The following CADPS variants were observed in gnomAD, a reference collection of about 807,000 sequenced individuals.
CADPS encodes calcium dependent secretion activator, also known as calcium-dependent secretion activator 1.
Under a neutral mutation model 167.3 loss-of-function variants are expected in CADPS, and 57 were observed. The observed-to-expected ratio is 0.34, with a 90% CI of 0.28 to 0.42. The LOEUF (loss-of-function observed/expected upper bound fraction) is 0.42. CADPS is among the 20% of genes least tolerant of loss of function. The pLI is 1.00. For missense variants in CADPS, 1,414 were observed against 1,738.1 expected, an observed-to-expected ratio of 0.81 and a Z score of 3.32; for synonymous variants, 676 against 635.3, an observed-to-expected ratio of 1.06 and a Z score of -0.96.
intron 9 of CADPS, among the ~76,000 whole-genome samples, chr3:62,570,274 T>C (rs2081050895): frequency 6.6e-6 from 1 of 150,820 alleles, no homozygotes; most frequent in South Asian, 2.1e-4. Flanking sequence ...GAAAAATTTA[T>C]CCTAGATATT....
chr3:62,745,862 C>A (rs191520505), intron 3 of CADPS, among the ~76,000 whole-genome samples: 3 of 152,094 alleles, frequency 2.0e-5, no homozygotes, highest in African/African-American at 7.2e-5. Flanking sequence ...TAGTGGTGAA[C>A]GCAATAGACA....
chr3:62,806,493 G>T (rs764767625), intron 1 of CADPS, among the ~76,000 whole-genome samples: 39 of 152,190 alleles, frequency 2.6e-4, no homozygotes, highest in Non-Finnish European at 3.7e-4. Context: ...GATCTCCACT[G>T]CACTCCAGTC....
chr3:62,419,551 T>C (rs986258791), intron 28 of CADPS, among the ~76,000 whole-genome samples: 2 of 152,172 alleles, frequency 1.3e-5, no homozygotes, highest in African/African-American at 4.8e-5. Context: ...CCCATTATCC[T>C]TGTGAGCAGT....
intron 3 of CADPS, among the ~76,000 whole-genome samples, chr3:62,668,895 G>A (rs1407794403): frequency 1.3e-5 from 2 of 152,094 alleles, no homozygotes; most frequent in Admixed American, 6.5e-5. Flanking sequence ...ACCCACAGTC[G>A]CACAACGATC....
At chr3:62,568,939 A>G (rs1241825400) in intron 9 of CADPS, among the ~76,000 whole-genome samples, 1 of 152,212 alleles carries the variant, frequency 6.6e-6, no homozygotes, top group African/African-American at 2.4e-5. Context: ...GAACTCTAAC[A>G]GATTCCTTTC....
chr3:62,757,814 G>C (rs2084361312), intron 2 of CADPS, among the ~76,000 whole-genome samples: 1 of 152,194 alleles, frequency 6.6e-6, no homozygotes, highest in Non-Finnish European at 1.5e-5. Context: ...AATCATGGTG[G>C]AAGTCAAGGG....
intron 13 of CADPS, among the ~76,000 whole-genome samples, chr3:62,519,170 T>A (rs550522563): frequency 6.6e-6 from 1 of 152,220 alleles, no homozygotes; most frequent in East Asian, 1.9e-4. Flanking sequence ...CCAGATCTCA[T>A]AGTGACTTGT....
chr3:62,585,242 T>C lies in CADPS; in HGVS notation c.1520A>G (p.Asp507Gly). The C allele has an allele frequency of 6.2e-7, 1 of 1,614,026 alleles. No individual in the cohort carries two copies. Among genetic ancestry groups the C allele is most frequent in the Non-Finnish European group, 8.5e-7 (1 of 1,179,928 alleles). ...TCGGACAGCAAGTTTGATTTTGAGATCTTGGTCGGGGCAGTTTTTGGAGAC... is the reference window on the plus strand; with the variant it reads ...TCGGACAGCAAGTTTGATTTTGAGACCTTGGTCGGGGCAGTTTTTGGAGAC... ...MTVSKNCPDQ[D>G]LKIKLAVRMD... The change falls in exon 8 of 30, where the codon GAT becomes GGT. Residue 507 changes from aspartate (D) to glycine (G), a missense_variant. Physicochemically the swap from Asp to Gly is moderately conservative, Grantham distance 94 (BLOSUM62 -1). Around this residue, in one of 6 missense-constraint regions of CADPS, gnomAD observed 157 missense variants for 229.4 expected, o/e 0.68. Transcript: ENST00000383710.
At chr3:62,783,216 TTCTC>T (rs1482090580) in intron 1 of CADPS, among the ~76,000 whole-genome samples, 1 of 152,136 alleles carries the variant, frequency 6.6e-6, no homozygotes, top group Non-Finnish European at 1.5e-5. Context: ...GTGATGTGTG[TTCTC>T]TCTGTTTCCT....
At chr3:62,636,071 G>A (rs1337998859) in intron 6 of CADPS, among the ~76,000 whole-genome samples, 1 of 151,934 alleles carries the variant, frequency 6.6e-6, no homozygotes, top group South Asian at 2.1e-4. Flanking sequence ...TTTACCCTGG[G>A]TCCACTGACA....
rs1428645875 is a variant in CADPS at position 62,602,171 on chromosome 3, A to G, written c.1326-9423T>C. On this transcript the variant is annotated intron_variant, in intron 6 of 29. Coordinates refer to ENST00000383710, the MANE Select transcript of CADPS (RefSeq NM_003716.4). The surrounding 1 kb of genome is among the most constrained non-coding windows in gnomAD (Gnocchi z 4.4). Reference sequence around the variant, plus strand: ...TGCAAACCTTTGACAACAGAGTGATATTTACGAATGCATATGTGAGTAAGC... The same window carrying G: ...TGCAAACCTTTGACAACAGAGTGATGTTTACGAATGCATATGTGAGTAAGC... Among the ~76,000 whole-genome samples the G allele has an allele frequency of 1.3e-5, 2 of 150,548 alleles. No individual in the cohort carries two copies.
At chr3:62,528,550 C>T (rs2072879275) in intron 13 of CADPS, among the ~76,000 whole-genome samples, 1 of 152,132 alleles carries the variant, frequency 6.6e-6, no homozygotes, top group African/African-American at 2.4e-5. Context: ...GACTATTTCA[C>T]TTGTTATTGT....
At chr3:62,692,141 C>T (rs1181927178) in intron 3 of CADPS, among the ~76,000 whole-genome samples, 1 of 151,866 alleles carries the variant, frequency 6.6e-6, no homozygotes, top group Non-Finnish European at 1.5e-5. Context: ...AACTGGTCAA[C>T]ATCTGAACTG....
At chr3:62,497,743 T>C (rs1470108813) in intron 18 of CADPS, among the ~76,000 whole-genome samples, 1 of 152,160 alleles carries the variant, frequency 6.6e-6, no homozygotes, top group African/African-American at 2.4e-5. Context: ...ATGATTCACA[T>C]AGAGACGGTT....
chr3:62,766,037 C>T (rs1278032301), intron 1 of CADPS, 53 bp from the exon 2 acceptor site: 4 of 1,310,210 alleles, frequency 3.1e-6, no homozygotes, highest in East Asian at 2.3e-5. Flanking sequence ...AGACAAGGAT[C>T]ATGGATACTT....
intron 1 of CADPS, among the ~76,000 whole-genome samples, chr3:62,767,471 TAA>T (rs2087219439): frequency 6.6e-6 from 1 of 152,204 alleles, no homozygotes; most frequent in Non-Finnish European, 1.5e-5. Context: ...TTTAAAAAAT[TAA>T]AAGTTTTTAT....
chr3:62,652,150 A>G (rs921852154), intron 4 of CADPS, among the ~76,000 whole-genome samples: 1 of 152,154 alleles, frequency 6.6e-6, no homozygotes, highest in Non-Finnish European at 1.5e-5. Context: ...CATGCTATCT[A>G]ACGGAAAAGT....
intron 6 of CADPS, among the ~76,000 whole-genome samples, chr3:62,635,034 T>C (rs146256290): frequency 2.2e-3 from 342 of 152,308 alleles, no homozygotes; most frequent in African/African-American, 7.5e-3. Flanking sequence ...TGATTACAAA[T>C]GACAAAAATT....
At chr3:62,735,970 T>C (rs2078921290) in intron 3 of CADPS, among the ~76,000 whole-genome samples, 1 of 152,146 alleles carries the variant, frequency 6.6e-6, no homozygotes, top group Non-Finnish European at 1.5e-5. Flanking sequence ...TATAATACAG[T>C]CAGCTAGACC....
Sources: gnomAD v4.1 joint callset for allele counts (sites outside exome capture counted in the v4.1 genomes callset) on GRCh38, gnomAD v4.1.1 for gene constraint, gnomAD v4.1.1 regional missense constraint, Gnocchi (gnomAD v3.1) non-coding constraint, MANE v1.5 for transcripts, NCBI Gene and HGNC (gene_info 2026-07-23, HGNC 2026-07-21) for gene names.